SHANK2: variants seen among roughly 807,000 people sequenced by gnomAD.
SHANK2 encodes the protein SH3 and multiple ankyrin repeat domains protein 2.
In SHANK2, 43 loss-of-function variants were observed where a neutral mutation model predicts 133.7. The observed-to-expected ratio is 0.32, with a 90% CI of 0.25 to 0.41. The LOEUF (loss-of-function observed/expected upper bound fraction) is 0.41. SHANK2 is among the 10% of genes least tolerant of loss of function. The pLI is 1.00. For synonymous variants in SHANK2, 1,017 were observed against 952.8 expected (o/e 1.07, Z -1.24); for missense variants, 1,994 against 2,235.8 (o/e 0.89, Z 2.18).
At chr11:71,130,024 G>T (rs1402009712) in intron 3 of SHANK2, among the ~76,000 whole-genome samples, 1 of 152,196 alleles carries the variant, frequency 6.6e-6, no homozygotes, top group Non-Finnish European at 1.5e-5. Flanking sequence ...CCCTCTGTGT[G>T]TGTCTGCGTC....
In SHANK2 at chr11:70,502,815, G is replaced by C. The variant is rs988622466; in HGVS notation, c.2178C>G (p.Asp726Glu). The change falls in exon 18 of 26, where the codon GAC (aspartate) becomes GAG (glutamate). Residue 726 changes from aspartate to glutamate, a missense_variant. This residue lies in a region of SHANK2 where 488 missense variants were observed against 642.6 expected (regional missense o/e 0.76). Coordinates refer to ENST00000601538, the MANE Select transcript of SHANK2 (RefSeq NM_012309.5). ...ATGTACCTTTCTTCCTGGCGGTGTC[G>C]TCGGGGTCCAGATTCCTGGTCACCG... ...VVTVTRNLDPDDTARKKAPPP... is the reference protein window; with the variant it reads ...VVTVTRNLDPEDTARKKAPPP... 3.7e-6 allele frequency: 6 copies of C among 1,608,894 alleles called. No individual in the cohort carries two copies. Among genetic ancestry groups the C allele is most frequent in the East Asian group, 4.5e-5 (2 of 44,636 alleles).
intron 10 of SHANK2, among the ~76,000 whole-genome samples, chr11:70,939,577 GCCTCT>G (rs1199286422): frequency 6.6e-6 from 1 of 152,140 alleles, no homozygotes; most frequent in Non-Finnish European, 1.5e-5. Flanking sequence ...GCTCACCAAG[GCCTCT>G]CCTGAGCTTC....
intron 14 of SHANK2, among the ~76,000 whole-genome samples, chr11:70,795,258 A>AT (rs1947881606): frequency 6.6e-6 from 1 of 152,102 alleles, no homozygotes. Context: ...AATCCCTAGA[A>AT]CCTGTGAATA....
intron 11 of SHANK2, among the ~76,000 whole-genome samples, chr11:70,867,587 A>T (rs2135528183): frequency 6.6e-6 from 1 of 152,200 alleles, no homozygotes; most frequent in East Asian, 1.9e-4. Flanking sequence ...CGGCTCGTGA[A>T]TGTGGGGTCA....
intron 2 of SHANK2, among the ~76,000 whole-genome samples, chr11:71,214,120 T>G (rs1954348922): frequency 6.6e-6 from 1 of 152,050 alleles, no homozygotes; most frequent in Non-Finnish European, 1.5e-5. Flanking sequence ...CCAGAAAGGG[T>G]CTGGCCTCAG....
chr11:71,067,737 C>T (rs1951084091), intron 9 of SHANK2, among the ~76,000 whole-genome samples: 1 of 151,936 alleles, frequency 6.6e-6, no homozygotes. Flanking sequence ...TCAATGAGAC[C>T]ATCGTCACTA....
intron 14 of SHANK2, among the ~76,000 whole-genome samples, chr11:70,745,625 C>T (rs1249721755): frequency 2.0e-5 from 3 of 152,298 alleles, no homozygotes; most frequent in Non-Finnish European, 4.4e-5. Context: ...CAATCCTCTC[C>T]GGGGAACGTG....
chr11:70,645,861 T>TGGAGCC (rs2061253162), intron 17 of SHANK2, among the ~76,000 whole-genome samples: 1 of 151,870 alleles, frequency 6.6e-6, no homozygotes, highest in Non-Finnish European at 1.5e-5. Flanking sequence ...TCAAGAACTC[T>TGGAGCC]GGAGCCGGAG....
At chr11:71,114,306 T>C (rs1555099933) in intron 4 of SHANK2, among the ~76,000 whole-genome samples, 1 of 152,114 alleles carries the variant, frequency 6.6e-6, no homozygotes, top group East Asian at 1.9e-4. Context: ...CTTGATGCCG[T>C]CACCCTGCAC....
At chr11:70,778,631 G>A (rs1356645294) in intron 14 of SHANK2, among the ~76,000 whole-genome samples, 7 of 152,176 alleles carry the variant, frequency 4.6e-5, no homozygotes, top group Non-Finnish European at 8.8e-5. Context: ...GCGAGAAGGC[G>A]GCCATCTGCA....
At chr11:70,744,449 C>A (rs1400825484) in intron 14 of SHANK2, among the ~76,000 whole-genome samples, 1 of 152,224 alleles carries the variant, frequency 6.6e-6, no homozygotes, top group Non-Finnish European at 1.5e-5. Flanking sequence ...CAGGCTATGC[C>A]CCCGGCCCCC....
chr11:71,057,796 G>A (rs1377290882), intron 9 of SHANK2, among the ~76,000 whole-genome samples: 5 of 151,106 alleles, frequency 3.3e-5, no homozygotes, highest in African/African-American at 9.8e-5. Context: ...TGATCTGCAG[G>A]CCTCTACCTC....
chr11:70,933,912 A>C (rs1452078439), intron 10 of SHANK2, among the ~76,000 whole-genome samples: 2 of 150,988 alleles, frequency 1.3e-5, no homozygotes, highest in African/African-American at 2.4e-5. Context: ...AAAAAAAAAA[A>C]AACAAAAAAC....
At chr11:70,761,363 C>CT (rs1555040177) in intron 14 of SHANK2, among the ~76,000 whole-genome samples, 1 of 152,110 alleles carries the variant, frequency 6.6e-6, no homozygotes, top group African/African-American at 2.4e-5. Context: ...TGATCTGGGA[C>CT]TTTCACTCTC....
intron 9 of SHANK2, among the ~76,000 whole-genome samples, chr11:71,066,094 GGGGGTGT>G (rs1951055202): frequency 2.0e-4 from 29 of 143,202 alleles, no homozygotes; most frequent in East Asian, 6.3e-4. Flanking sequence ...AGTTGGTGGG[GGGGGTGT>G]GTGCAGAACT....
chr11:71,115,810 G>A (rs1951967715), intron 4 of SHANK2, among the ~76,000 whole-genome samples: 1 of 152,154 alleles, frequency 6.6e-6, no homozygotes, highest in South Asian at 2.1e-4. Flanking sequence ...CCCCTGAAAT[G>A]AACTGCATGG....
At chr11:70,784,467 G>A (rs766205698) in intron 14 of SHANK2, among the ~76,000 whole-genome samples, 5 of 144,572 alleles carry the variant, frequency 3.5e-5, no homozygotes, top group Non-Finnish European at 7.5e-5. Context: ...GGCGATTCTC[G>A]TGCCTCAGCC....
At chr11:71,220,437 C>T (rs557530865) in intron 2 of SHANK2, among the ~76,000 whole-genome samples, 5 of 152,114 alleles carry the variant, frequency 3.3e-5, no homozygotes, top group Non-Finnish European at 5.9e-5. Flanking sequence ...TAGGTATATG[C>T]CTGAAAGAAC....
At chr11:70,502,339 T>C (rs1221125776) in intron 18 of SHANK2, 53 bp from the exon 19 acceptor site, 3 of 1,513,056 alleles carry the variant, frequency 2.0e-6, no homozygotes, top group East Asian at 2.5e-5. Context: ...TTTCCAGATA[T>C]GGGAATAAGG....
Sources: allele counts gnomAD v4.1 joint callset (sites outside exome capture counted in the v4.1 genomes callset), GRCh38; gene constraint gnomAD v4.1.1; regional missense constraint gnomAD v4.1.1; transcripts MANE v1.5; gene names NCBI Gene and HGNC (gene_info 2026-07-23, HGNC 2026-07-21).